The following ADCY9 variants were observed in gnomAD, a reference collection of about 807,000 sequenced individuals.
ADCY9 encodes adenylate cyclase 9.
Under a neutral mutation model 101.5 loss-of-function variants are expected in ADCY9, and 50 were observed. The ratio of observed to expected loss-of-function variants is 0.49; its 90% CI spans 0.39 to 0.62. The LOEUF (loss-of-function observed/expected upper bound fraction) is 0.62. Ranked by LOEUF, ADCY9 falls within the 20% of genes least tolerant of loss-of-function variation. The pLI is 0.00. For missense variants in ADCY9, 1,662 were observed against 1,800.4 expected, an observed-to-expected ratio of 0.92 and a Z score of 1.39; for synonymous variants, 905 against 769.3, an observed-to-expected ratio of 1.18 and a Z score of -2.92.
chr16:4,097,554 T>TATATATATATATATATA (rs1491239469), intron 2 of ADCY9, among the ~76,000 whole-genome samples: 3 of 24,152 alleles, frequency 1.2e-4, no homozygotes, highest in African/African-American at 7.6e-4. Flanking sequence ...TATATATATA[T>TATATATATATATATATA]TTTTTTTTTT....
At chr16:3,959,620 T>C (rs963783373), downstream of ADCY9, among the ~76,000 whole-genome samples, 34 of 152,224 alleles carry the variant, frequency 2.2e-4, no homozygotes, top group Admixed American at 7.2e-4. Flanking sequence ...TACTTATCTG[T>C]TGGAAATAAT....
At chr16:4,003,508 C>A (rs201631000) in intron 3 of ADCY9, among the ~76,000 whole-genome samples, 7 of 150,304 alleles carry the variant, frequency 4.7e-5, no homozygotes, top group East Asian at 3.9e-4. Context: ...CACCACCGCA[C>A]TGAAGAGGAA....
intron 2 of ADCY9, among the ~76,000 whole-genome samples, chr16:4,108,981 C>T (rs1367490115): frequency 6.6e-6 from 1 of 152,106 alleles, no homozygotes. Flanking sequence ...GTTGAGATTA[C>T]AGGCATGAGC....
intron 2 of ADCY9, among the ~76,000 whole-genome samples, chr16:4,010,049 G>C (rs185748555): frequency 2.6e-3 from 393 of 152,302 alleles, no homozygotes; most frequent in Non-Finnish European, 4.7e-3. Flanking sequence ...TTTTTTGATG[G>C]GAGGTAGGAA....
intron 2 of ADCY9, among the ~76,000 whole-genome samples, chr16:4,026,275 A>C (rs946915869): frequency 6.6e-6 from 1 of 152,012 alleles, no homozygotes; most frequent in Non-Finnish European, 1.5e-5. Flanking sequence ...AAATACAAAA[A>C]TTAGCTGGGC....
At chr16:3,977,747 C>G (rs892393927) in intron 8 of ADCY9, 117 bp from the exon 9 acceptor site, 9 of 1,334,736 alleles carry the variant, frequency 6.7e-6, no homozygotes, top group Non-Finnish European at 9.1e-6. Flanking sequence ...GACTGAGTCT[C>G]ACTCTGTCGC....
chr16:4,106,430 T>G (rs558208433), intron 2 of ADCY9, among the ~76,000 whole-genome samples: 17 of 152,244 alleles, frequency 1.1e-4, no homozygotes, highest in African/African-American at 3.6e-4. Flanking sequence ...CCTGGCCACT[T>G]CCCTTGCCAG....
intron 2 of ADCY9, among the ~76,000 whole-genome samples, chr16:4,040,469 T>TG (rs2056619363): frequency 6.6e-6 from 1 of 151,690 alleles, no homozygotes; most frequent in South Asian, 2.1e-4. Context: ...TTTTTTTTTT[T>TG]TTTTTGAGAT....
rs568056868 is a variant in ADCY9, at chr16:3,992,388, G to T, written c.1990-25C>A. 1.2e-6 allele frequency: 2 copies of T among 1,607,226 alleles called. No individual in the cohort carries two copies. The highest frequency in any genetic ancestry group is 2.2e-5 in the South Asian group (2 of 90,690). ...CCTGCCTCGAGACAAAGAGGACGCA[G>T]ACACGGGAAGTGAAGTGGCACCGGG... is the stretch of plus-strand genomic sequence containing the variant. On this transcript the variant is annotated intron_variant, in intron 4 of 10. Transcript: ENST00000294016. This position sits in a 1 kb window ranked among gnomAD's most constrained non-coding sequence, Gnocchi z 4.2.
intron 5 of ADCY9, among the ~76,000 whole-genome samples, chr16:3,956,506 G>A (rs866251737): frequency 1.1e-3 from 12 of 10,936 alleles, no homozygotes; most frequent in Admixed American, 2.1e-3. Context: ...TTTTTTTTGG[G>A]GGGGGATGGA....
intron 6 of ADCY9, among the ~76,000 whole-genome samples, chr16:3,984,470 G>A (rs1392433791): frequency 6.6e-6 from 1 of 152,190 alleles, no homozygotes; most frequent in Non-Finnish European, 1.5e-5. Context: ...GCCCTGCAAG[G>A]CTCTGGGGAG....
intron 2 of ADCY9, among the ~76,000 whole-genome samples, chr16:4,082,565 C>T (rs1013004901): frequency 6.6e-6 from 1 of 152,124 alleles, no homozygotes; most frequent in African/African-American, 2.4e-5. Flanking sequence ...GATGCACACA[C>T]GCACACACAC....
chr16:4,005,225 C>T (rs1030313198), intron 3 of ADCY9, among the ~76,000 whole-genome samples: 1 of 152,084 alleles, frequency 6.6e-6, no homozygotes, highest in Non-Finnish European at 1.5e-5. Context: ...CACTGAGCAC[C>T]CTCCTCCCTT....
chr16:4,031,139 C>A (rs1278425325), intron 2 of ADCY9, among the ~76,000 whole-genome samples: 1 of 152,132 alleles, frequency 6.6e-6, no homozygotes, highest in Non-Finnish European at 1.5e-5. Context: ...CTGTTAGATG[C>A]TGGGGAAATT....
intron 2 of ADCY9, among the ~76,000 whole-genome samples, chr16:4,084,662 G>A (rs1343008027): frequency 6.6e-6 from 1 of 152,036 alleles, no homozygotes; most frequent in East Asian, 1.9e-4. Flanking sequence ...GGTGGTCGAG[G>A]CTTCAGTGAG....
In ADCY9 at chr16:4,114,084, C is replaced by G. The variant is rs1442803909; in HGVS notation, c.1359G>C (p.Glu453Asp). The change falls in exon 2 of 11, where the codon GAG becomes GAC. Residue 453 changes from glutamate (E) to aspartate (D), a missense_variant. Physicochemically the swap from Glu to Asp is conservative, Grantham distance 45. Coordinates refer to ENST00000294016, the MANE Select transcript of ADCY9 (RefSeq NM_001116.4). This position sits in a 1 kb window ranked among gnomAD's most constrained non-coding sequence, Gnocchi z 4.3. ...DCYYCVAGCP[E>D]PRADHAYCCI... is the part of the protein sequence containing the mutation. ...AGCAGTAGGCATGGTCGGCCCGGGG[C>G]TCGGGACAGCCCGCCACGCAGTAGT... 6.2e-7 allele frequency: 1 copy of G among 1,613,824 alleles called. No individual in the cohort carries two copies. The highest frequency in any genetic ancestry group is 1.3e-5 in the African/African-American group (1 of 75,044).
intron 7 of ADCY9, 134 bp downstream of exon 7, chr16:3,983,098 G>A (rs368221547): frequency 1.1e-5 from 9 of 855,012 alleles, no homozygotes; most frequent in South Asian, 3.6e-5. Flanking sequence ...GGGAGGACAC[G>A]GGGACCCATC....
intron 2 of ADCY9, among the ~76,000 whole-genome samples, chr16:4,088,114 T>C (rs576902356): frequency 2.7e-4 from 41 of 151,842 alleles, no homozygotes; most frequent in South Asian, 8.3e-4. Flanking sequence ...CTTGATCTCA[T>C]GGAGGAACTG....
At chr16:4,072,994 GAAAAAAAA>G (rs59730727) in intron 2 of ADCY9, among the ~76,000 whole-genome samples, 2 of 129,684 alleles carry the variant, frequency 1.5e-5, no homozygotes, top group African/African-American at 6.0e-5. Context: ...TATCCTAAAA[GAAAAAAAA>G]AAAAAAAAGA....
Sources: gnomAD v4.1 joint callset for allele counts (sites outside exome capture counted in the v4.1 genomes callset) on GRCh38, gnomAD v4.1.1 for gene constraint, Gnocchi (gnomAD v3.1) non-coding constraint, MANE v1.5 for transcripts, NCBI Gene and HGNC (gene_info 2026-07-23, HGNC 2026-07-21) for gene names.